The following HS3ST5 variants were observed in gnomAD, a reference collection of about 807,000 sequenced individuals.
The protein encoded by HS3ST5 is heparan sulfate-glucosamine 3-sulfotransferase 5.
In HS3ST5, 10 loss-of-function variants were observed where a neutral mutation model predicts 25.4. The observed-to-expected ratio is 0.39, with a 90% CI of 0.24 to 0.67. The LOEUF (loss-of-function observed/expected upper bound fraction) is 0.67. HS3ST5 is among the 30% of genes least tolerant of loss of function. The pLI, the probability that HS3ST5 is intolerant of heterozygous loss-of-function variation, is 0.44. For missense variants in HS3ST5, 324 were observed against 420.7 expected (o/e 0.77, Z 2.01); for synonymous variants, 170 against 162.4 (o/e 1.05, Z -0.36).
chr6:114,112,080 A>T (rs1776295397), intron 3 of HS3ST5, among the ~76,000 whole-genome samples: 1 of 152,118 alleles, frequency 6.6e-6, no homozygotes, highest in Non-Finnish European at 1.5e-5. Flanking sequence ...CATTCTCTTC[A>T]TTTGGCAAAA....
chr6:114,100,874 C>T (rs1489333425), intron 3 of HS3ST5, among the ~76,000 whole-genome samples: 1 of 152,122 alleles, frequency 6.6e-6, no homozygotes, highest in African/African-American at 2.4e-5. Flanking sequence ...ATCTCACAGT[C>T]AAGATGGAGG....
At chr6:114,089,606 G>T (rs1775020844) in intron 3 of HS3ST5, among the ~76,000 whole-genome samples, 1 of 152,312 alleles carries the variant, frequency 6.6e-6, no homozygotes, top group Non-Finnish European at 1.5e-5. Flanking sequence ...ACTCAAAGAA[G>T]TTAACTTAAA....
At chr6:114,183,501 T>C (rs1334186175) in intron 2 of HS3ST5, among the ~76,000 whole-genome samples, 1 of 152,192 alleles carries the variant, frequency 6.6e-6, no homozygotes, top group African/African-American at 2.4e-5. Flanking sequence ...AGCATGAAAA[T>C]GGACTAATAC....
intron 2 of HS3ST5, among the ~76,000 whole-genome samples, chr6:114,199,447 G>T (rs967356784): frequency 2.0e-5 from 3 of 152,196 alleles, no homozygotes; most frequent in East Asian, 3.9e-4. Context: ...ATAAGTTTGA[G>T]AAATGTTGCA....
chr6:114,247,690 T>C (rs1459883461), intron 1 of HS3ST5, among the ~76,000 whole-genome samples: 1 of 151,932 alleles, frequency 6.6e-6, no homozygotes, highest in Non-Finnish European at 1.5e-5. Flanking sequence ...TAGTCATCAT[T>C]CAGCTTTCTC....
intron 3 of HS3ST5, among the ~76,000 whole-genome samples, chr6:114,152,143 C>T (rs921472096): frequency 6.6e-6 from 1 of 151,982 alleles, no homozygotes. Flanking sequence ...AGGATGGTCT[C>T]GAACTCCTGA....
At chr6:114,109,804 T>G (rs1372533079) in intron 3 of HS3ST5, among the ~76,000 whole-genome samples, 1 of 152,126 alleles carries the variant, frequency 6.6e-6, no homozygotes, top group Non-Finnish European at 1.5e-5. Context: ...TGCCTTAATT[T>G]AATATTTATT....
intron 3 of HS3ST5, among the ~76,000 whole-genome samples, chr6:114,100,941 A>G (rs1299798181): frequency 6.6e-6 from 1 of 152,196 alleles, no homozygotes; most frequent in Non-Finnish European, 1.5e-5. Context: ...TGGTTTGAAA[A>G]CAATTAATCT....
At chr6:114,129,546 C>T (rs187386855) in intron 3 of HS3ST5, among the ~76,000 whole-genome samples, 195 of 152,212 alleles carry the variant, frequency 1.3e-3, no homozygotes, top group African/African-American at 4.4e-3. Flanking sequence ...TGAGCCACCG[C>T]GCCCAGCCAA....
intron 3 of HS3ST5, among the ~76,000 whole-genome samples, chr6:114,127,874 ACT>A (rs1372645788): frequency 1.3e-5 from 2 of 148,700 alleles, no homozygotes; most frequent in African/African-American, 2.5e-5. Flanking sequence ...AGAGAGAGAG[ACT>A]TATATATAGA....
intron 3 of HS3ST5, among the ~76,000 whole-genome samples, chr6:114,153,536 G>A (rs756684524): frequency 1.4e-4 from 21 of 152,114 alleles, no homozygotes; most frequent in Non-Finnish European, 2.2e-4. Flanking sequence ...GCAGACTCCC[G>A]TTGCACCATA....
chr6:114,190,723 T>C (rs193207952), intron 2 of HS3ST5, among the ~76,000 whole-genome samples: 38 of 152,302 alleles, frequency 2.5e-4, no homozygotes, highest in Admixed American at 7.2e-4. Context: ...CCTATGTATA[T>C]TTCTCCCAAT....
chr6:114,221,104 C>T (rs1183005840), intron 2 of HS3ST5, among the ~76,000 whole-genome samples: 1 of 151,974 alleles, frequency 6.6e-6, no homozygotes, highest in African/African-American at 2.4e-5. Flanking sequence ...ATTACTTTCC[C>T]TCTCTGGAAC....
At chr6:114,082,449 A>C (rs1216529035) in intron 3 of HS3ST5, among the ~76,000 whole-genome samples, 2 of 152,226 alleles carry the variant, frequency 1.3e-5, no homozygotes, top group Non-Finnish European at 2.9e-5. Context: ...AAAATATATA[A>C]GACACAAACT....
intron 2 of HS3ST5, among the ~76,000 whole-genome samples, chr6:114,208,537 A>G (rs553724447): frequency 6.6e-6 from 1 of 152,302 alleles, no homozygotes; most frequent in Admixed American, 6.5e-5. Flanking sequence ...ACAAAGAATC[A>G]TATTGCTTAT....
At chr6:114,084,797 T>C (rs543218775) in intron 3 of HS3ST5, 1 of 730,466 alleles carries the variant, frequency 1.4e-6, no homozygotes, top group East Asian at 2.5e-5. Flanking sequence ...AAGCATATTT[T>C]CAAACTCTTA....
chr6:114,307,363 T>TA (rs1775340953), intron 1 of HS3ST5, among the ~76,000 whole-genome samples: 1 of 151,906 alleles, frequency 6.6e-6, no homozygotes, highest in Non-Finnish European at 1.5e-5. Flanking sequence ...TTACTGTTTT[T>TA]TTTTTTCCAT....
At chr6:114,160,768 C>T in intron 3 of HS3ST5, among the ~76,000 whole-genome samples, 1 of 152,060 alleles carries the variant, frequency 6.6e-6, no homozygotes, top group East Asian at 1.9e-4. Context: ...AAACTGAACA[C>T]ATTTTTCTCA....
chr6:114,263,172 A>T (rs1243827367), intron 1 of HS3ST5, among the ~76,000 whole-genome samples: 2 of 152,252 alleles, frequency 1.3e-5, no homozygotes, highest in African/African-American at 4.8e-5. Context: ...TTTTATTTTT[A>T]GTAGATAAGC....
Sources: gnomAD v4.1 joint callset for allele counts (sites outside exome capture counted in the v4.1 genomes callset) on GRCh38, gnomAD v4.1.1 for gene constraint, MANE v1.5 for transcripts, NCBI Gene and HGNC (gene_info 2026-07-23, HGNC 2026-07-21) for gene names.